CLCN4: variants seen among roughly 807,000 people sequenced by gnomAD.
The protein encoded by CLCN4 is H(+)/Cl(-) exchange transporter 4.
A neutral mutation model predicts 41.7 loss-of-function variants in CLCN4; 1 was observed. The observed-to-expected ratio is 0.02, with a 90% CI of 0.01 to 0.11. The LOEUF is 0.11. Among genes scored for constraint, CLCN4 ranks in the 10% least tolerant of loss-of-function variants. The pLI, the probability that CLCN4 is intolerant of heterozygous loss-of-function variation, is 1.00. For synonymous variants in CLCN4, 277 were observed against 285.8 expected, an observed-to-expected ratio of 0.97 and a Z score of 0.31; for missense variants, 287 against 661.0, an observed-to-expected ratio of 0.43 and a Z score of 6.20.
At chrX:10,159,927 C>T (rs1249567868) in intron 2 of CLCN4, among the ~76,000 whole-genome samples, 1 of 110,932 alleles carries the variant, frequency 9.0e-6, no homozygotes, top group Admixed American at 9.6e-5. Context: ...CTTTGGGCCT[C>T]GACTATCTCG....
chrX:10,233,758 A>G lies in CLCN4; in HGVS notation c.*174A>G, dbSNP rs1363641711. 1 of 426,751 alleles carries G rather than the reference A, an allele frequency of 2.3e-6. No homozygotes were observed. The highest frequency in any genetic ancestry group is 2.5e-5 in the African/African-American group (1 of 40,487). 35.2% of individuals were successfully genotyped at this position (426,751 alleles called of 1,213,427 possible). On this transcript the variant is annotated 3_prime_UTR_variant, in exon 13 of 13. Transcript: ENST00000380833. The stretch of plus-strand genomic sequence containing the variant: ...TTTAAAAACAAAAACAAAAACATCA[A>G]TGAGTAGGCATTTTATAGCTTTAAC...
chrX:10,220,068 G>A (rs950113541), intron 11 of CLCN4, among the ~76,000 whole-genome samples: 2 of 111,313 alleles, frequency 1.8e-5, no homozygotes, highest in African/African-American at 3.3e-5. Flanking sequence ...CAGGAGATCC[G>A]AAGGGTTGAG....
intron 12 of CLCN4, among the ~76,000 whole-genome samples, chrX:10,232,885 A>G (rs1339067619): frequency 1.8e-5 from 2 of 111,761 alleles, no homozygotes; most frequent in African/African-American, 3.3e-5. Flanking sequence ...ATATAGTCAG[A>G]GATAAATGTC....
At chrX:10,214,721 A>G (rs1017357538) in intron 11 of CLCN4, among the ~76,000 whole-genome samples, 3 of 112,523 alleles carry the variant, frequency 2.7e-5, no homozygotes, top group African/African-American at 9.7e-5. Context: ...ACTGAGGGGC[A>G]GGCTGTTGAG....
chrX:10,216,354 C>G (rs186127968), intron 11 of CLCN4, among the ~76,000 whole-genome samples: 9 of 112,108 alleles, frequency 8.0e-5, no homozygotes, highest in African/African-American at 2.9e-4. Flanking sequence ...ACTCTCTTCA[C>G]CATCACATAC....
chrX:10,204,613 CTTTTTTTTTT>C (rs61453535), intron 6 of CLCN4, among the ~76,000 whole-genome samples: 48 of 27,342 alleles, frequency 1.8e-3, no homozygotes, highest in East Asian at 9.6e-3. Flanking sequence ...AGCTAGTAGT[CTTTTTTTTTT>C]TTTTTTTTTT....
At chrX:10,187,412 T>C (rs1744681674) in intron 3 of CLCN4, 103 bp from the exon 4 acceptor site, 2 of 598,413 alleles carry the variant, frequency 3.3e-6, no homozygotes, top group South Asian at 5.5e-5. Context: ...TGACATTCAT[T>C]TTATTTTCTT....
At chrX:10,203,854 G>T (rs776012147) in intron 6 of CLCN4, among the ~76,000 whole-genome samples, 6 of 111,891 alleles carry the variant, frequency 5.4e-5, no homozygotes, top group African/African-American at 2.0e-4. Flanking sequence ...TTACTTGGCA[G>T]AGCAATGCCC....
chrX:10,233,471 T>G (rs1372525750), intron 12 of CLCN4, 23 bp from the exon 13 acceptor site: 11 of 1,146,834 alleles, frequency 9.6e-6, no homozygotes, highest in Non-Finnish European at 1.2e-5. Flanking sequence ...TGACCTCTTT[T>G]CTCTATTTTG....
intron 12 of CLCN4, among the ~76,000 whole-genome samples, chrX:10,232,633 C>T (rs1206729411): frequency 1.8e-5 from 2 of 111,858 alleles, no homozygotes; most frequent in Non-Finnish European, 3.8e-5. Context: ...ACCCAAGGGA[C>T]ATGATGTGTT....
At chrX:10,186,533 C>T (rs1358661945) in intron 3 of CLCN4, among the ~76,000 whole-genome samples, 2 of 111,291 alleles carry the variant, frequency 1.8e-5, no homozygotes, top group African/African-American at 6.6e-5. Flanking sequence ...TGGGGGCTGG[C>T]GGTGAGGGGA....
chrX:10,214,072 C>T lies in CLCN4; in HGVS notation c.1968C>T (p.Leu656=), dbSNP rs370979983. The T allele has an allele frequency of 1.8e-5, 21 of 1,165,717 alleles. No individual in the cohort carries two copies. Among genetic ancestry groups the T allele is most frequent in the Middle Eastern group, 2.4e-4 (1 of 4,167 alleles). ...IGFAQRRELI[L]AIKNARQRQE... is the part of the protein sequence containing the mutation. The stretch of plus-strand genomic sequence containing the variant: ...TTGCCCAGAGGAGGGAACTGATTCT[C>T]GCAATAAGTGAGTAAAGAGAGGGAA... Residue 656 remains leucine (L), a synonymous_variant, in exon 11 of 13, where the codon CTC becomes CTT. Transcript: ENST00000380833.
At position 10,165,514 on chromosome X, in the gene CLCN4, C is replaced by T. The variant is rs906116304; in HGVS notation, c.-12+6963C>T. ...GGGGTTTGCTGATGTGAGAGCTACC[C>T]CAACGCTGTGTTTCCTTATGGGGGA... On this transcript the variant is annotated intron_variant, in intron 2 of 12. Coordinates refer to ENST00000380833, the MANE Select transcript of CLCN4 (RefSeq NM_001830.4). Among the ~76,000 whole-genome samples the T allele has an allele frequency of 2.7e-5, 3 of 111,140 alleles. No homozygotes were observed. The South Asian group carries it at 1.2e-3, about 44-fold the overall frequency.
At chrX:10,199,462 C>T (rs1189202236) in intron 6 of CLCN4, among the ~76,000 whole-genome samples, 1 of 112,057 alleles carries the variant, frequency 8.9e-6, no homozygotes, top group African/African-American at 3.3e-5. Flanking sequence ...GCAACTTACG[C>T]GTTGCTGTGA....
chrX:10,176,846 G>A (rs1208936921), intron 2 of CLCN4, among the ~76,000 whole-genome samples: 3 of 112,439 alleles, frequency 2.7e-5, no homozygotes, highest in Non-Finnish European at 5.6e-5. Context: ...CTGGGCAGAG[G>A]ACAGAGGGAA....
At position 10,220,723 on chromosome X, in the gene CLCN4, C is replaced by T. The variant is rs142375213; in HGVS notation, c.2038C>T (p.Pro680Ser). ...SNSIMYFTEE[P>S]PELPANSPHP... ...TTCCATCATGTACTTCACGGAGGAA[C>T]CCCCCGAGCTGCCGGCCAACAGCCC... Residue 680 changes from proline (P) to serine (S), a missense_variant, in exon 12 of 13, where the codon CCC (proline) becomes TCC (serine). Around this residue, in one of 6 missense-constraint regions of CLCN4, gnomAD observed 71 missense variants for 104.5 expected, o/e 0.68. Transcript: ENST00000380833. The T allele has an allele frequency of 2.6e-5, 31 of 1,208,943 alleles. No homozygotes were observed. Among genetic ancestry groups the T allele is most frequent in the Non-Finnish European group, 3.2e-5 (29 of 894,395 alleles).
Position 10,234,544 on chromosome X carries a change from G to A in CLCN4, c.*960G>A, listed in dbSNP as rs1371201147. On this transcript the variant is annotated 3_prime_UTR_variant, in exon 13 of 13. Transcript: ENST00000380833. Reference sequence around the variant, plus strand: ...CAAGAGTCCAAACAGGCTACCCAATGTTACTACTTATTTTTCCTCTCAGGT... The same window carrying A: ...CAAGAGTCCAAACAGGCTACCCAATATTACTACTTATTTTTCCTCTCAGGT... 8.9e-6 allele frequency: 1 copy of A among 112,987 alleles called. No individual in the cohort carries two copies. Among genetic ancestry groups the A allele is most frequent in the African/African-American group, 3.2e-5 (1 of 31,026 alleles). 9.3% of individuals were successfully genotyped at this position (112,987 alleles called of 1,213,427 possible).
At chrX:10,192,244 T>TACACACACACACACAC (rs56033729) in intron 4 of CLCN4, among the ~76,000 whole-genome samples, 10 of 100,482 alleles carry the variant, frequency 1.0e-4, no homozygotes, top group African/African-American at 3.7e-4. Context: ...CTAGTGGAAG[T>TACACACACACACACAC]ACACACACAC....
chrX:10,160,464 G>A (rs1488299381), intron 2 of CLCN4, among the ~76,000 whole-genome samples: 1 of 111,229 alleles, frequency 9.0e-6, no homozygotes, highest in South Asian at 3.8e-4. Context: ...CTAGATGAAC[G>A]TGTGTGGAAA....
Sources: gnomAD v4.1 joint callset for allele counts (sites outside exome capture counted in the v4.1 genomes callset) on GRCh38, gnomAD v4.1.1 for gene constraint, gnomAD v4.1.1 regional missense constraint, MANE v1.5 for transcripts, NCBI Gene and HGNC (gene_info 2026-07-23, HGNC 2026-07-21) for gene names.